MROH7: variants seen among roughly 807,000 people sequenced by gnomAD.
MROH7 encodes the protein maestro heat-like repeat-containing protein family member 7.
In MROH7, 113 loss-of-function variants were observed where a neutral mutation model predicts 129.2. The ratio of observed to expected loss-of-function variants is 0.87; its 90% confidence interval spans 0.75 to 1.02. The LOEUF (loss-of-function observed/expected upper bound fraction) is 1.02. Among genes scored for constraint, MROH7 ranks in the 50% least tolerant of loss-of-function variants. MROH7 has a pLI of 0.00. For synonymous variants in MROH7, 655 were observed against 667.9 expected, an observed-to-expected ratio of 0.98 and a Z score of 0.30; for missense variants, 1,601 against 1,671.3, an observed-to-expected ratio of 0.96 and a Z score of 0.73.
At chr1:54,670,667 A>ACCCCCCCCCCCCCCTTC in intron 6 of MROH7, 91 bp downstream of exon 6, 1 of 960,106 alleles carries the variant, frequency 1.0e-6, no homozygotes, top group African/African-American at 1.9e-5. Context: ...CCCTCCCCCA[A>ACCCCCCCCCCCCCCTTC]CCCGCCCCCA....
intron 1 of MROH7, among the ~76,000 whole-genome samples, chr1:54,642,953 C>G (rs531482429): frequency 1.3e-5 from 2 of 152,294 alleles, no homozygotes; most frequent in South Asian, 4.1e-4. Flanking sequence ...AACTAACATG[C>G]CAATGAATGA....
intron 22 of MROH7, among the ~76,000 whole-genome samples, chr1:54,707,400 T>C (rs1645551470): frequency 6.6e-6 from 1 of 152,256 alleles, no homozygotes; most frequent in Non-Finnish European, 1.5e-5. Flanking sequence ...ACCCATCTGC[T>C]GGTTTATTTA....
intron 15 of MROH7, among the ~76,000 whole-genome samples, chr1:54,688,327 C>G (rs1280692100): frequency 6.6e-6 from 1 of 151,844 alleles, no homozygotes; most frequent in Non-Finnish European, 1.5e-5. Flanking sequence ...CAACCTTGGC[C>G]TCCCAAAGTG....
At chr1:54,663,976 G>T in intron 3 of MROH7, 1 of 325,468 alleles carries the variant, frequency 3.1e-6, no homozygotes. Flanking sequence ...CAGTGACCTT[G>T]TCCTCAGAAG....
intron 10 of MROH7, among the ~76,000 whole-genome samples, chr1:54,675,164 C>T (rs1221725169): frequency 1.3e-5 from 2 of 152,002 alleles, no homozygotes; most frequent in African/African-American, 4.8e-5. Context: ...TTAGTAGAGA[C>T]GGGATTTCAC....
chr1:54,677,377 C>T lies in MROH7; in HGVS notation c.1937-1365C>T, dbSNP rs1228778586. Reference sequence around the variant, plus strand: ...TCACACCACTGCACTCCAGCCTGGGCGACAGAGTGAGGCTGTGTCTCAAAA... The same window carrying T: ...TCACACCACTGCACTCCAGCCTGGGTGACAGAGTGAGGCTGTGTCTCAAAA... On this transcript the variant is annotated intron_variant, in intron 10 of 23. Transcript: ENST00000421030. Among the ~76,000 whole-genome samples, 5 of 152,124 alleles carry T rather than the reference C, an allele frequency of 3.3e-5. No homozygotes were observed. The East Asian group carries it at 5.8e-4, about 18-fold the overall frequency.
At chr1:54,666,231 A>G (rs1644812238) in intron 4 of MROH7, among the ~76,000 whole-genome samples, 1 of 152,200 alleles carries the variant, frequency 6.6e-6, no homozygotes, top group East Asian at 1.9e-4. Flanking sequence ...GGTCTGCTGA[A>G]AAAAATCAAC....
At chr1:54,697,127 G>A (rs995541334) in intron 17 of MROH7, 1 of 152,442 alleles carries the variant, frequency 6.6e-6, no homozygotes, top group Non-Finnish European at 1.5e-5. Flanking sequence ...CATGAGGCAG[G>A]TCTAGGCTAA....
chr1:54,658,798 A>G (rs1644686737), intron 3 of MROH7, among the ~76,000 whole-genome samples: 1 of 152,068 alleles, frequency 6.6e-6, no homozygotes, highest in African/African-American at 2.4e-5. Flanking sequence ...CTATGTTGGT[A>G]GTGGGGATGG....
chr1:54,663,777 G>A (rs1233553889), intron 3 of MROH7: 2 of 454,434 alleles, frequency 4.4e-6, no homozygotes, highest in Non-Finnish European at 8.8e-6. Flanking sequence ...GGTTCATCCT[G>A]GACTTTCCCT....
chr1:54,674,434 A>G (rs943606244), intron 10 of MROH7, among the ~76,000 whole-genome samples: 1 of 152,106 alleles, frequency 6.6e-6, no homozygotes, highest in African/African-American at 2.4e-5. Context: ...CCTTAATACT[A>G]TGTATACCTA....
At chr1:54,691,465 T>C (rs1358527455) in intron 15 of MROH7, among the ~76,000 whole-genome samples, 2 of 152,194 alleles carry the variant, frequency 1.3e-5, no homozygotes, top group African/African-American at 4.8e-5. Flanking sequence ...GAAAACTTTG[T>C]TTAAATGTAA....
At chr1:54,657,334 G>A (rs1424645421) in intron 3 of MROH7, among the ~76,000 whole-genome samples, 1 of 151,488 alleles carries the variant, frequency 6.6e-6, no homozygotes, top group East Asian at 1.9e-4. Context: ...ACAAGCATGA[G>A]CCACCATGTC....
intron 3 of MROH7, chr1:54,663,763 C>G (rs751178980): frequency 6.6e-6 from 3 of 452,212 alleles, no homozygotes; most frequent in South Asian, 1.6e-5. Flanking sequence ...ATTCAGGTGT[C>G]TCAGGTTCAT....
chr1:54,701,552 G>A (rs1322621601), intron 19 of MROH7, among the ~76,000 whole-genome samples: 3 of 152,056 alleles, frequency 2.0e-5, no homozygotes, highest in African/African-American at 7.2e-5. Context: ...CCCCAGAAAG[G>A]GTCATCTATT....
intron 8 of MROH7, 36 bp downstream of exon 8, chr1:54,673,222 G>A (rs1212373038): frequency 9.3e-6 from 14 of 1,512,346 alleles, no homozygotes; most frequent in Non-Finnish European, 1.3e-5. Context: ...GGGAGGGGAG[G>A]AAGGGTGGAG....
At position 54,652,990 on chromosome 1, in the gene MROH7, C is replaced by T; in HGVS notation, c.64C>T (p.Pro22Ser). ...AGACCCAAAGATGACACCAAGTCCC[C>T]CCTCCTGTGGGGCCCCGGGATTAGG... ...HEDPKMTPSP[P>S]SCGAPGLGSG... The change falls in exon 3 of 24, where the codon CCC (proline) becomes TCC (serine). Residue 22 changes from proline to serine, a missense_variant. Physicochemically the swap from Pro to Ser is moderately conservative, Grantham distance 74 (BLOSUM62 -1). Transcript: ENST00000421030. 6.2e-7 allele frequency: 1 copy of T among 1,613,766 alleles called. No individual in the cohort carries two copies. The highest frequency in any genetic ancestry group is 8.5e-7 in the Non-Finnish European group (1 of 1,179,874).
At chr1:54,687,764 A>G (rs572448091) in intron 15 of MROH7, among the ~76,000 whole-genome samples, 1 of 152,300 alleles carries the variant, frequency 6.6e-6, no homozygotes, top group African/African-American at 2.4e-5. Flanking sequence ...ACAATGTGTT[A>G]TAAAACATTT....
intron 6 of MROH7, 75 bp from the exon 7 acceptor site, chr1:54,670,725 C>A: frequency 6.5e-7 from 1 of 1,541,672 alleles, no homozygotes; most frequent in East Asian, 2.4e-5. Flanking sequence ...TCCCTGTGCT[C>A]CTCAGCTCAG....
Sources: allele counts gnomAD v4.1 joint callset (sites outside exome capture counted in the v4.1 genomes callset), GRCh38; gene constraint gnomAD v4.1.1; transcripts MANE v1.5; gene names NCBI Gene and HGNC (gene_info 2026-07-23, HGNC 2026-07-21).